Variants in KAZN observed in about 807,000 individuals in gnomAD.
KAZN encodes the protein kazrin, periplakin interacting protein.
In KAZN, 40 loss-of-function variants were observed where a neutral mutation model predicts 87.4. The observed-to-expected ratio is 0.46, with a 90% CI of 0.36 to 0.60. KAZN has a LOEUF of 0.60. Ranked by LOEUF, KAZN falls within the 20% of genes least tolerant of loss-of-function variation. The probability of loss-of-function intolerance (pLI) is 0.00; values close to 1 mark genes in which losing one functional copy is unlikely to be tolerated. For synonymous variants in KAZN, 466 were observed against 458.3 expected (o/e 1.02, Z -0.22); for missense variants, 898 against 1,073.9 (o/e 0.84, Z 2.29).
intron 2 of KAZN, among the ~76,000 whole-genome samples, chr1:14,326,796 G>A (rs116199987): frequency 3.9e-5 from 6 of 151,946 alleles, no homozygotes; most frequent in Admixed American, 1.3e-4. Flanking sequence ...TCCCTTCTTC[G>A]CTTCTTTTAG....
At chr1:14,629,367 A>T (rs6672326) in intron 1 of KAZN, among the ~76,000 whole-genome samples, 15,260 of 152,216 alleles carry the variant, frequency 0.1, 2,560 homozygotes, top group African/African-American at 0.35. Flanking sequence ...CTCCTGTCTC[A>T]GTAGGCTGTT....
intron 2 of KAZN, among the ~76,000 whole-genome samples, chr1:14,380,109 C>G (rs1251788733): frequency 6.6e-6 from 1 of 152,214 alleles, no homozygotes; most frequent in Non-Finnish European, 1.5e-5. Context: ...TGAATCTTAT[C>G]CAAGACTACC....
chr1:14,437,999 C>G (rs1025672635), intron 2 of KAZN, among the ~76,000 whole-genome samples: 7 of 151,842 alleles, frequency 4.6e-5, no homozygotes, highest in African/African-American at 1.7e-4. Flanking sequence ...CAAGCCAGCT[C>G]TCATCCCAGT....
At chr1:14,668,961 G>A (rs1284753092) in intron 1 of KAZN, among the ~76,000 whole-genome samples, 2 of 152,190 alleles carry the variant, frequency 1.3e-5, no homozygotes, top group African/African-American at 4.8e-5. Context: ...CAGAGACCCC[G>A]GAGACCCTTT....
intron 1 of KAZN, among the ~76,000 whole-genome samples, chr1:13,926,221 G>C (rs756903695): frequency 6.6e-6 from 1 of 152,070 alleles, no homozygotes; most frequent in East Asian, 1.9e-4. Flanking sequence ...CTGGCTCACC[G>C]TGCTGTTACT....
chr1:14,847,137 TA>T (rs1648874191), intron 1 of KAZN, among the ~76,000 whole-genome samples: 1 of 152,218 alleles, frequency 6.6e-6, no homozygotes, highest in African/African-American at 2.4e-5. Context: ...ACAATAAAAA[TA>T]AAAGATATGC....
At chr1:14,507,045 G>A (rs765389258) in intron 2 of KAZN, among the ~76,000 whole-genome samples, 13 of 152,210 alleles carry the variant, frequency 8.5e-5, no homozygotes, top group East Asian at 1.9e-4. Context: ...ATAGATTTTC[G>A]TTTGCCTTCT....
At chr1:14,386,393 A>G (rs1661894930) in intron 2 of KAZN, among the ~76,000 whole-genome samples, 1 of 151,570 alleles carries the variant, frequency 6.6e-6, no homozygotes, top group African/African-American at 2.4e-5. Context: ...TAGTTGATGC[A>G]GTTTCTTCCT....
intron 1 of KAZN, among the ~76,000 whole-genome samples, chr1:14,665,307 C>CTTT (rs1639462391): frequency 6.6e-6 from 1 of 150,876 alleles, no homozygotes. Flanking sequence ...TTTTTTATTA[C>CTTT]TGCTGTTGCA....
intron 11 of KAZN, 58 bp downstream of exon 11, chr1:15,101,832 C>A: frequency 8.7e-7 from 1 of 1,144,296 alleles, no homozygotes; most frequent in East Asian, 2.6e-5. Context: ...CCCCTCTTGG[C>A]ATCTACTGTC....
chr1:14,089,921 A>G (rs1477812516), intron 1 of KAZN, among the ~76,000 whole-genome samples: 8 of 152,280 alleles, frequency 5.3e-5, no homozygotes, highest in African/African-American at 1.9e-4. Flanking sequence ...TTTGTATTTT[A>G]AAGAAATCAC....
intron 1 of KAZN, among the ~76,000 whole-genome samples, chr1:14,098,235 G>T (rs1334930338): frequency 1.3e-5 from 2 of 152,164 alleles, no homozygotes; most frequent in Non-Finnish European, 2.9e-5. Context: ...TATATTCAGA[G>T]AACCAGTGTC....
At chr1:13,913,784 AG>A (rs1639737420) in intron 1 of KAZN, among the ~76,000 whole-genome samples, 1 of 152,220 alleles carries the variant, frequency 6.6e-6, no homozygotes, top group Non-Finnish European at 1.5e-5. Context: ...TTTAAAACAC[AG>A]GCTCTCAGCC....
chr1:14,483,836 T>C (rs985115006), intron 2 of KAZN, among the ~76,000 whole-genome samples: 7 of 152,238 alleles, frequency 4.6e-5, no homozygotes, highest in African/African-American at 1.7e-4. Context: ...AAATCATTGC[T>C]CTGACCAGTG....
intron 2 of KAZN, among the ~76,000 whole-genome samples, chr1:14,583,840 C>T (rs1023476014): frequency 1.3e-5 from 2 of 152,292 alleles, no homozygotes; most frequent in Admixed American, 6.5e-5. Flanking sequence ...GTATTCCCCC[C>T]TCCCCTACCT....
intron 2 of KAZN, among the ~76,000 whole-genome samples, chr1:14,425,351 G>A (rs912533109): frequency 6.6e-6 from 1 of 152,194 alleles, no homozygotes; most frequent in African/African-American, 2.4e-5. Context: ...TCCAGCTGCA[G>A]TGTCCTCTTG....
chr1:14,796,519 CT>C (rs1369057413), intron 1 of KAZN, among the ~76,000 whole-genome samples: 1 of 152,234 alleles, frequency 6.6e-6, no homozygotes, highest in Non-Finnish European at 1.5e-5. Flanking sequence ...GCGCTACAGA[CT>C]AGGGAAACTG....
intron 2 of KAZN, among the ~76,000 whole-genome samples, chr1:15,026,052 C>T (rs1382039651): frequency 2.0e-5 from 3 of 152,218 alleles, no homozygotes; most frequent in African/African-American, 7.2e-5. Flanking sequence ...GCTGTCCGCC[C>T]ATCCCAGGAC....
intron 1 of KAZN, among the ~76,000 whole-genome samples, chr1:14,645,323 T>G (rs1478054273): frequency 6.6e-6 from 1 of 152,224 alleles, no homozygotes; most frequent in Non-Finnish European, 1.5e-5. Context: ...AATAGTTTTT[T>G]CTAGTTCTAT....
Sources: allele counts gnomAD v4.1 joint callset (sites outside exome capture counted in the v4.1 genomes callset), GRCh38; gene constraint gnomAD v4.1.1; transcripts MANE v1.5; gene names NCBI Gene and HGNC (gene_info 2026-07-23, HGNC 2026-07-21).